Variants in SYN3 observed in about 807,000 individuals in gnomAD.
SYN3 encodes synapsin III.
In SYN3, 35 loss-of-function variants were observed where a neutral mutation model predicts 65.8. That is an observed-to-expected ratio of 0.53 (90% CI 0.41 to 0.70). The LOEUF is 0.70. Ranked by LOEUF, SYN3 falls within the 30% of genes least tolerant of loss-of-function variation. SYN3 has a pLI of 0.00. For synonymous variants in SYN3, 270 were observed against 292.9 expected, an observed-to-expected ratio of 0.92 and a Z score of 0.80; for missense variants, 680 against 749.0, an observed-to-expected ratio of 0.91 and a Z score of 1.08.
intron 2 of SYN3, among the ~76,000 whole-genome samples, chr22:32,992,766 T>A (rs947049946): frequency 6.6e-6 from 1 of 152,126 alleles, no homozygotes; most frequent in African/African-American, 2.4e-5. Context: ...TGAGGCAACA[T>A]CACTCTGCTG....
intron 6 of SYN3, among the ~76,000 whole-genome samples, chr22:32,650,919 C>T (rs1424151880): frequency 1.3e-5 from 2 of 152,206 alleles, no homozygotes; most frequent in African/African-American, 4.8e-5. Flanking sequence ...CTTATAACAG[C>T]TGCTTCCCCA....
intron 6 of SYN3, among the ~76,000 whole-genome samples, chr22:32,702,701 A>G (rs1481249628): frequency 6.6e-6 from 1 of 151,914 alleles, no homozygotes; most frequent in Non-Finnish European, 1.5e-5. Context: ...CATTGTCTTT[A>G]GCAATCCTGA....
intron 6 of SYN3, among the ~76,000 whole-genome samples, chr22:32,608,885 C>T (rs1235914076): frequency 6.6e-6 from 1 of 152,170 alleles, no homozygotes; most frequent in African/African-American, 2.4e-5. Flanking sequence ...AACTGATACG[C>T]AGTTAAAATC....
intron 6 of SYN3, among the ~76,000 whole-genome samples, chr22:32,835,052 C>T (rs898420210): frequency 3.3e-5 from 5 of 152,188 alleles, no homozygotes; most frequent in African/African-American, 1.2e-4. Context: ...TTTCCATTGC[C>T]TGGACCATCC....
chr22:33,021,734 C>CT (rs1264146581), intron 1 of SYN3, among the ~76,000 whole-genome samples: 1 of 151,528 alleles, frequency 6.6e-6, no homozygotes, highest in Non-Finnish European at 1.5e-5. Context: ...CCTACTTGTT[C>CT]TTTTTTTCCA....
rs1030272735 is a variant in SYN3, at chr22:32,565,671, C to T, written c.775-23958G>A. Among the ~76,000 whole-genome samples, 7 of 150,596 alleles carry T rather than the reference C, an allele frequency of 4.6e-5. No homozygotes were observed. In the East Asian group the frequency reaches 7.8e-4, roughly 17 times the overall value. On this transcript the variant is annotated intron_variant, in intron 7 of 13. Transcript: ENST00000358763. ...AGCTAGGACTACAGGCATGCACCACCGTGCCTGGCTAATTTTTAATTTAAT... is the reference window on the plus strand; with the variant it reads ...AGCTAGGACTACAGGCATGCACCACTGTGCCTGGCTAATTTTTAATTTAAT...
intron 6 of SYN3, among the ~76,000 whole-genome samples, chr22:32,847,563 CAG>C (rs1452234760): frequency 6.6e-6 from 1 of 152,172 alleles, no homozygotes; most frequent in East Asian, 1.9e-4. Flanking sequence ...AGAAACAAGA[CAG>C]AATCCAGTAT....
At chr22:32,972,571 GGCATTCAT>G (rs1427591122) in intron 3 of SYN3, among the ~76,000 whole-genome samples, 2 of 152,168 alleles carry the variant, frequency 1.3e-5, no homozygotes, top group Non-Finnish European at 2.9e-5. Context: ...ACCAATGGGA[GGCATTCAT>G]GCAGGAATTG....
chr22:32,782,796 C>T (rs1470893705), intron 6 of SYN3, among the ~76,000 whole-genome samples: 1 of 152,138 alleles, frequency 6.6e-6, no homozygotes, highest in African/African-American at 2.4e-5. Flanking sequence ...GGATTACAGG[C>T]GTGAGCCACC....
At chr22:32,692,293 C>G (rs2060675459) in intron 6 of SYN3, among the ~76,000 whole-genome samples, 3 of 152,088 alleles carry the variant, frequency 2.0e-5, no homozygotes, top group African/African-American at 7.2e-5. Context: ...CAACCACTGC[C>G]TGGTCCTGAG....
chr22:32,610,634 G>A (rs1431721506), intron 6 of SYN3, among the ~76,000 whole-genome samples: 1 of 137,008 alleles, frequency 7.3e-6, no homozygotes, highest in Non-Finnish European at 1.6e-5. Flanking sequence ...CCAGGCTGAA[G>A]TGCAATCACG....
intron 6 of SYN3, among the ~76,000 whole-genome samples, chr22:32,757,711 G>A (rs2045338909): frequency 6.6e-6 from 1 of 152,222 alleles, no homozygotes; most frequent in South Asian, 2.1e-4. Context: ...AAGGAGGCAA[G>A]GAAGAGTATG....
chr22:32,825,172 C>T (rs1198247539), intron 6 of SYN3, among the ~76,000 whole-genome samples: 7 of 151,954 alleles, frequency 4.6e-5, no homozygotes, highest in South Asian at 2.1e-4. Context: ...TGGGTGAGCT[C>T]GTGGGAACTG....
intron 6 of SYN3, among the ~76,000 whole-genome samples, chr22:32,787,961 G>A (rs1187489057): frequency 6.6e-6 from 1 of 152,200 alleles, no homozygotes; most frequent in African/African-American, 2.4e-5. Context: ...AAGGAGGTCA[G>A]TGTAGTGTAA....
rs1190319833 is a variant in SYN3 at position 32,615,432 on chromosome 22, T to TAAAAAAAAAAA, written c.712-18707_712-18697dup. On this transcript the variant is annotated intron_variant, in intron 6 of 13. Coordinates refer to ENST00000358763, the MANE Select transcript of SYN3 (RefSeq NM_003490.4). ...CTGGGCGTCAGAGCAAGACTTCATC[T>TAAAAAAAAAAA]AAAAAAAAAAAAAAAAAAAGAAAAA... 6.7e-5 allele frequency among the ~76,000 whole-genome samples: 5 copies of TAAAAAAAAAAA among 74,394 alleles called. 1 individual carries two copies. The highest frequency in any genetic ancestry group is 1.3e-4 in the African/African-American group (2 of 15,054). The allele number at this position is 74,394 out of a possible 152,430, so 48.8% of individuals were successfully genotyped here. A position where few individuals can be genotyped will look rare whatever the true frequency, so the allele number is the denominator to read the frequency against.
chr22:32,597,460 C>T (rs1372995619), intron 6 of SYN3, among the ~76,000 whole-genome samples: 1 of 152,102 alleles, frequency 6.6e-6, no homozygotes. Context: ...AGGGGATCCG[C>T]CTGCCTCTGC....
chr22:32,875,022 G>A (rs928410457), intron 4 of SYN3, among the ~76,000 whole-genome samples: 1 of 152,214 alleles, frequency 6.6e-6, no homozygotes, highest in Non-Finnish European at 1.5e-5. Flanking sequence ...AAATGTGCAC[G>A]CTTTGCAGAT....
At chr22:32,946,059 T>C (rs1007547147) in intron 3 of SYN3, among the ~76,000 whole-genome samples, 11 of 144,484 alleles carry the variant, frequency 7.6e-5, no homozygotes, top group African/African-American at 3.2e-4. Context: ...CTGGAGAGGA[T>C]GTGGAGAAAT....
chr22:32,744,755 C>T (rs1475107077), intron 6 of SYN3, among the ~76,000 whole-genome samples: 1 of 152,070 alleles, frequency 6.6e-6, no homozygotes, highest in Non-Finnish European at 1.5e-5. Context: ...GAACTAACAC[C>T]ACCACCACCA....
Sources: allele counts gnomAD v4.1 joint callset (sites outside exome capture counted in the v4.1 genomes callset), GRCh38; gene constraint gnomAD v4.1.1; transcripts MANE v1.5; gene names NCBI Gene and HGNC (gene_info 2026-07-23, HGNC 2026-07-21).